R3HDM2: variants seen among roughly 807,000 people sequenced by gnomAD.
R3HDM2 encodes the protein R3H domain containing 2, also known as R3H domain-containing protein 2.
A neutral mutation model predicts 124.5 loss-of-function variants in R3HDM2; 38 were observed. The observed-to-expected ratio is 0.31, with a 90% confidence interval of 0.24 to 0.40. The LOEUF (loss-of-function observed/expected upper bound fraction) is 0.40. R3HDM2 is among the 10% of genes least tolerant of loss of function. The pLI, the probability that R3HDM2 is intolerant of heterozygous loss-of-function variation, is 1.00. For synonymous variants in R3HDM2, 391 were observed against 448.0 expected (o/e 0.87, Z 1.61); for missense variants, 869 against 1,236.9 (o/e 0.70, Z 4.46).
chr12:57,416,969 G>A (rs1334126826), intron 1 of R3HDM2, among the ~76,000 whole-genome samples: 3 of 150,996 alleles, frequency 2.0e-5, no homozygotes, highest in Non-Finnish European at 4.4e-5. Context: ...TTAGCCAGGC[G>A]TGGTGGCGGG....
intron 2 of R3HDM2, among the ~76,000 whole-genome samples, chr12:57,318,300 G>GA (rs2055620084): frequency 6.6e-6 from 1 of 151,556 alleles, no homozygotes; most frequent in Non-Finnish European, 1.5e-5. Flanking sequence ...TCAAAGAAAA[G>GA]AAAAAAGAGA....
chr12:57,408,528 C>T (rs1350060209), intron 1 of R3HDM2, among the ~76,000 whole-genome samples: 2 of 151,846 alleles, frequency 1.3e-5, no homozygotes, highest in Admixed American at 6.6e-5. Context: ...CTCAGGAGTT[C>T]GAGACCAGCC....
At chr12:57,431,126 C>CT (rs1869824128), upstream of R3HDM2, 3 of 152,328 alleles carry the variant, frequency 2.0e-5, no homozygotes, top group Admixed American at 2.0e-4. Context: ...AGCAGCCCTG[C>CT]GGGGCCTACC....
chr12:57,325,723 T>G (rs2057218256), intron 2 of R3HDM2, among the ~76,000 whole-genome samples: 1 of 151,908 alleles, frequency 6.6e-6, no homozygotes, highest in African/African-American at 2.4e-5. Context: ...TTTTTTTTTT[T>G]TTTTGGTAGA....
chr12:57,263,970 T>A (rs73120065), intron 19 of R3HDM2, among the ~76,000 whole-genome samples: 1 of 150,988 alleles, frequency 6.6e-6, no homozygotes, highest in Non-Finnish European at 1.5e-5. Flanking sequence ...CACGATAGAG[T>A]GGAAAGGAGA....
intron 2 of R3HDM2, among the ~76,000 whole-genome samples, chr12:57,390,250 G>A (rs566828639): frequency 2.0e-5 from 3 of 152,100 alleles, no homozygotes; most frequent in Non-Finnish European, 2.9e-5. Flanking sequence ...ATCAGGCAGT[G>A]AACGATAGTG....
At chr12:57,269,472 T>C (rs747779200) in intron 15 of R3HDM2, 23 bp from the exon 16 acceptor site, 5 of 1,610,454 alleles carry the variant, frequency 3.1e-6, no homozygotes, top group Non-Finnish European at 3.4e-6. Flanking sequence ...GAGACAGATG[T>C]GTGAGAAGTC....
rs771931927 is a variant in R3HDM2, at chr12:57,269,908, G to T, written c.1431C>A (p.Phe477Leu). The T allele has an allele frequency of 3.1e-6, 5 of 1,614,186 alleles. No homozygotes were observed. The East Asian group carries it at 1.1e-4, about 36-fold the overall frequency. Reference sequence around the variant, plus strand: ...GGTGCTGGGAGATAAGTGGGGTCTGGAATAGAGCTGCAGATGGGTCAGCTG... The same window carrying T: ...GGTGCTGGGAGATAAGTGGGGTCTGTAATAGAGCTGCAGATGGGTCAGCTG... ...TEAADPSAAL[F>L]QTPLISQHPQ... is the part of the protein sequence containing the mutation. Residue 477 changes from phenylalanine (F) to leucine (L), a missense_variant, in exon 15 of 24, where the codon TTC (phenylalanine) becomes TTA (leucine). Physicochemically the swap from Phe to Leu is conservative, Grantham distance 22 (BLOSUM62 0). Around this residue, in one of 2 missense-constraint regions of R3HDM2, gnomAD observed 602 missense variants for 789.2 expected, o/e 0.76. Coordinates refer to ENST00000402412, the MANE Select transcript of R3HDM2 (RefSeq NM_001394031.1).
intron 2 of R3HDM2, among the ~76,000 whole-genome samples, chr12:57,348,462 G>A (rs988447996): frequency 1.3e-5 from 2 of 152,056 alleles, no homozygotes; most frequent in African/African-American, 4.8e-5. Context: ...GGGAGGCCAA[G>A]GCAGGTGAAT....
intron 1 of R3HDM2, among the ~76,000 whole-genome samples, chr12:57,408,132 T>A (rs1465688134): frequency 6.6e-6 from 1 of 152,196 alleles, no homozygotes; most frequent in Non-Finnish European, 1.5e-5. Flanking sequence ...GGTTTCACCA[T>A]GTTGGTCAGG....
At chr12:57,344,834 T>A (rs1053483372) in intron 2 of R3HDM2, among the ~76,000 whole-genome samples, 1 of 148,046 alleles carries the variant, frequency 6.8e-6, no homozygotes, top group Non-Finnish European at 1.5e-5. Flanking sequence ...TTGTTTTTTG[T>A]TTTTTTTTTG....
rs1050629916 is a variant in R3HDM2 at position 57,291,258 on chromosome 12, T to C, written c.906+1314A>G. Among the ~76,000 whole-genome samples the C allele has an allele frequency of 3.3e-5, 5 of 150,536 alleles. No homozygotes were observed. In the East Asian group the frequency reaches 9.7e-4, roughly 29 times the overall value. On this transcript the variant is annotated intron_variant, in intron 11 of 23. Transcript: ENST00000402412. ...CAGTATTTTTCTAAACTAATGATGA[T>C]GATGAAAAAATATATATATATATAT...
At chr12:57,429,092 A>G (rs1466328322) in intron 1 of R3HDM2, among the ~76,000 whole-genome samples, 1 of 152,178 alleles carries the variant, frequency 6.6e-6, no homozygotes, top group East Asian at 1.9e-4. Context: ...AAAACTTTAC[A>G]TTGTGAAGCT....
chr12:57,404,777 T>G (rs917675526), intron 1 of R3HDM2, among the ~76,000 whole-genome samples: 3 of 152,046 alleles, frequency 2.0e-5, no homozygotes, highest in Non-Finnish European at 2.9e-5. Flanking sequence ...CCCCATACTT[T>G]GAGGCTGAGG....
intron 4 of R3HDM2, among the ~76,000 whole-genome samples, chr12:57,302,310 A>C (rs1373149645): frequency 6.6e-6 from 1 of 151,706 alleles, no homozygotes; most frequent in Non-Finnish European, 1.5e-5. Flanking sequence ...ATGGCCAGGC[A>C]TGGTGGCTCA....
chr12:57,311,935 G>C (rs539099402), intron 2 of R3HDM2, among the ~76,000 whole-genome samples: 1 of 152,296 alleles, frequency 6.6e-6, no homozygotes, highest in East Asian at 1.9e-4. Context: ...CTAAGAATCA[G>C]AAGTTGATAC....
In R3HDM2 at chr12:57,257,931, T is replaced by A. The variant is rs969936708; in HGVS notation, c.2449+59A>T. On this transcript the variant is annotated intron_variant, in intron 21 of 23. Coordinates refer to ENST00000402412, the MANE Select transcript of R3HDM2 (RefSeq NM_001394031.1). ...GTTGTTACTCTTTCAATCTCTGCAA[T>A]TGGGAATGGGATGTGAAAGGTGAAT... is the stretch of plus-strand genomic sequence containing the variant. The A allele has an allele frequency of 3.6e-6, 5 of 1,387,790 alleles. No individual in the cohort carries two copies. In the African/African-American group the frequency reaches 7.1e-5, roughly 20 times the overall value. The allele number at this position is 1,387,790 out of a possible 1,614,324, so 86.0% of individuals were successfully genotyped here. A position where few individuals can be genotyped will look rare whatever the true frequency, so the allele number is the denominator to read the frequency against.
chr12:57,424,582 A>T (rs2070534108), intron 1 of R3HDM2, among the ~76,000 whole-genome samples: 1 of 152,206 alleles, frequency 6.6e-6, no homozygotes, highest in Non-Finnish European at 1.5e-5. Flanking sequence ...TTTCCAAGAC[A>T]CCAAGGATTT....
chr12:57,266,967 T>C (rs2042571346), intron 18 of R3HDM2, 136 bp from the exon 19 acceptor site: 2 of 599,274 alleles, frequency 3.3e-6, no homozygotes, highest in Non-Finnish European at 3.0e-6. Context: ...CAATTTGCCA[T>C]GCAATTTCTA....
Sources: gnomAD v4.1 joint callset for allele counts (sites outside exome capture counted in the v4.1 genomes callset) on GRCh38, gnomAD v4.1.1 for gene constraint, gnomAD v4.1.1 regional missense constraint, MANE v1.5 for transcripts, NCBI Gene and HGNC (gene_info 2026-07-23, HGNC 2026-07-21) for gene names.